Variants in MPP7 observed in about 807,000 individuals in gnomAD.
MPP7 encodes MAGUK p55 scaffold protein 7.
A neutral mutation model predicts 76.5 loss-of-function variants in MPP7; 60 were observed. The ratio of observed to expected loss-of-function variants is 0.78; its 90% confidence interval spans 0.64 to 0.97. The LOEUF (loss-of-function observed/expected upper bound fraction) is 0.97, where lower values mean the gene tolerates loss of function less well. MPP7 is among the 50% of genes least tolerant of loss of function. MPP7 has a pLI of 0.00. For missense variants in MPP7, 641 were observed against 694.0 expected (o/e 0.92, Z 0.86); for synonymous variants, 237 against 244.5 (o/e 0.97, Z 0.29).
At chr10:28,190,265 C>G (rs1011351358) in intron 3 of MPP7, among the ~76,000 whole-genome samples, 1 of 151,726 alleles carries the variant, frequency 6.6e-6, no homozygotes, top group Non-Finnish European at 1.5e-5. Context: ...TTGACAGATC[C>G]GGCAGGCAAA....
chr10:28,062,039 A>G (rs1428757627), intron 13 of MPP7, among the ~76,000 whole-genome samples: 1 of 152,204 alleles, frequency 6.6e-6, no homozygotes, highest in Non-Finnish European at 1.5e-5. Context: ...GATAAATGAT[A>G]AAAAGGAAAC....
intron 8 of MPP7, 22 bp downstream of exon 8, chr10:28,124,009 T>A (rs762355165): frequency 1.3e-6 from 2 of 1,496,702 alleles, no homozygotes; most frequent in African/African-American, 2.8e-5. Context: ...TATTGTACCT[T>A]TAAAAGAAAT....
intron 1 of MPP7, among the ~76,000 whole-genome samples, chr10:28,256,177 G>A (rs530403722): frequency 7.9e-5 from 12 of 151,936 alleles, no homozygotes; most frequent in East Asian, 3.8e-4. Context: ...AGACAGCAGC[G>A]GCTCAAATGG....
intron 12 of MPP7, among the ~76,000 whole-genome samples, chr10:28,072,509 T>C (rs1852286030): frequency 6.6e-6 from 1 of 152,202 alleles, no homozygotes; most frequent in African/African-American, 2.4e-5. Flanking sequence ...TCCCTAACAA[T>C]GTCCATAATG....
At chr10:28,082,789 C>G (rs557882228) in intron 12 of MPP7, among the ~76,000 whole-genome samples, 37 of 152,014 alleles carry the variant, frequency 2.4e-4, no homozygotes, top group African/African-American at 8.4e-4. Flanking sequence ...TTTTTAGAGA[C>G]GAGGTTTCAC....
intron 11 of MPP7, among the ~76,000 whole-genome samples, chr10:28,092,839 A>G (rs1449544506): frequency 2.7e-5 from 4 of 147,256 alleles, no homozygotes; most frequent in African/African-American, 1.0e-4. Flanking sequence ...CTCAGCCTCC[A>G]AAAGTGCTGG....
intron 1 of MPP7, among the ~76,000 whole-genome samples, chr10:28,290,429 C>T (rs1261166898): frequency 6.6e-6 from 1 of 151,944 alleles, no homozygotes; most frequent in Non-Finnish European, 1.5e-5. Flanking sequence ...GCAACTGCCC[C>T]ACCTCCCCAT....
At chr10:28,163,159 G>C (rs933446595) in intron 3 of MPP7, among the ~76,000 whole-genome samples, 7 of 152,148 alleles carry the variant, frequency 4.6e-5, no homozygotes, top group Admixed American at 4.6e-4. Flanking sequence ...AATCCTCCCT[G>C]TGATCTGGTC....
chr10:28,274,302 C>T (rs969555329), intron 1 of MPP7, among the ~76,000 whole-genome samples: 2 of 151,334 alleles, frequency 1.3e-5, no homozygotes, highest in African/African-American at 4.9e-5. Flanking sequence ...CGGGGTTTCA[C>T]CGGAGCCAGG....
chr10:28,163,438 T>C (rs1344236688), intron 3 of MPP7, among the ~76,000 whole-genome samples: 2 of 152,202 alleles, frequency 1.3e-5, no homozygotes, highest in African/African-American at 2.4e-5. Flanking sequence ...CACAGTACCA[T>C]AGAAGTTGTC....
chr10:28,127,411 T>A (rs1420604199), intron 6 of MPP7, among the ~76,000 whole-genome samples: 1 of 152,220 alleles, frequency 6.6e-6, no homozygotes, highest in Non-Finnish European at 1.5e-5. Flanking sequence ...TCTGTTTTCA[T>A]ACTGCTAATA....
At chr10:28,111,080 C>A (rs2133565077) in intron 11 of MPP7, among the ~76,000 whole-genome samples, 1 of 152,134 alleles carries the variant, frequency 6.6e-6, no homozygotes, top group East Asian at 1.9e-4. Context: ...AATGACTAGA[C>A]TATGCAGGGT....
At chr10:28,252,696 C>A (rs1265824698) in intron 1 of MPP7, among the ~76,000 whole-genome samples, 2 of 151,746 alleles carry the variant, frequency 1.3e-5, no homozygotes, top group Non-Finnish European at 2.9e-5. Context: ...TTTTTTCCAT[C>A]TTGGCAAAAT....
At chr10:28,090,378 T>C (rs1377035884) in intron 11 of MPP7, among the ~76,000 whole-genome samples, 1 of 152,202 alleles carries the variant, frequency 6.6e-6, no homozygotes. Context: ...AATGTAAATT[T>C]TATTTGGTTT....
At chr10:28,322,773 C>T (rs935196474) in intron 2 of MPP7, among the ~76,000 whole-genome samples, 5 of 152,286 alleles carry the variant, frequency 3.3e-5, no homozygotes, top group East Asian at 3.9e-4. Flanking sequence ...GGAGCACCCA[C>T]GTGTTAATAT....
At chr10:28,117,162 G>A (rs58270577) in intron 11 of MPP7, among the ~76,000 whole-genome samples, 6,560 of 152,060 alleles carry the variant, frequency 0.043, 312 homozygotes, top group East Asian at 0.11. Context: ...TAAAGATTTA[G>A]AAAAGAGTAA....
chr10:28,124,958 T>A (rs1834968786), intron 7 of MPP7, 52 bp downstream of exon 7: 3 of 1,452,012 alleles, frequency 2.1e-6, no homozygotes, highest in Non-Finnish European at 2.9e-6. Flanking sequence ...CTGGAAATGC[T>A]ACACACGAAA....
At chr10:28,231,423 C>A (rs1838878336) in intron 2 of MPP7, among the ~76,000 whole-genome samples, 1 of 150,350 alleles carries the variant, frequency 6.7e-6, no homozygotes, top group Admixed American at 6.6e-5. Flanking sequence ...GAAATAAAAA[C>A]AAATGTACAA....
intron 5 of MPP7, among the ~76,000 whole-genome samples, chr10:28,146,404 TG>T (rs1471355486): frequency 1.3e-4 from 15 of 113,964 alleles, no homozygotes; most frequent in African/African-American, 3.2e-4. Flanking sequence ...TTTGTTTTTT[TG>T]TTTTTTTTTT....
Sources: gnomAD v4.1 joint callset for allele counts (sites outside exome capture counted in the v4.1 genomes callset) on GRCh38, gnomAD v4.1.1 for gene constraint, MANE v1.5 for transcripts, NCBI Gene and HGNC (gene_info 2026-07-23, HGNC 2026-07-21) for gene names.